The following SLC13A5 variants were observed in gnomAD, a reference collection of about 807,000 sequenced individuals.
The protein encoded by SLC13A5 is solute carrier family 13 member 5, also known as Na(+)/citrate cotransporter.
In SLC13A5, 25 loss-of-function variants were observed where a neutral mutation model predicts 56.5. The observed-to-expected ratio is 0.44, with a 90% CI of 0.32 to 0.62. SLC13A5 has a LOEUF of 0.62. Ranked by LOEUF, SLC13A5 falls within the 20% of genes least tolerant of loss-of-function variation. The pLI is 0.04. For synonymous variants in SLC13A5, 307 were observed against 301.5 expected, an observed-to-expected ratio of 1.02 and a Z score of -0.19; for missense variants, 649 against 737.8, an observed-to-expected ratio of 0.88 and a Z score of 1.39.
Position 6,703,999 on chromosome 17 carries a change from C to T in SLC13A5, c.426G>A (p.Thr142=), listed in dbSNP as rs72836208. ...TGGGCACCATCATGGCCGTGGTTGC[C>T]GTGTTACTGATCCACATGGACAGGA... ...TALLSMWISN[T]ATTAMMVPIV... is the part of the protein sequence containing the mutation. The change falls in exon 4 of 12, where the codon ACG becomes ACA. Residue 142 remains threonine (T), a synonymous_variant. Coordinates refer to ENST00000433363, the MANE Select transcript of SLC13A5 (RefSeq NM_177550.5). 2.8e-3 allele frequency: 4,571 copies of T among 1,613,156 alleles called. 10 individuals are homozygous for T. The highest frequency in any genetic ancestry group is 3.5e-3 in the Non-Finnish European group (4,095 of 1,179,588).
rs925548103 is a variant in SLC13A5, at chr17:6,699,042, CAAAA to C, written c.839+1958_839+1961del. The stretch of plus-strand genomic sequence containing the variant: ...TGGGTGACAGAGCAAGACACTGTCT[CAAAA>C]ATAAATAAATAAATAAATAAATAAA... On this transcript the variant is annotated intron_variant, in intron 6 of 11. Coordinates refer to ENST00000433363, the MANE Select transcript of SLC13A5 (RefSeq NM_177550.5). Among the ~76,000 whole-genome samples, 4 of 100,594 alleles carry C rather than the reference CAAAA, an allele frequency of 4.0e-5. No homozygotes were observed. The Admixed American group carries it at 4.0e-4, about 10-fold the overall frequency. 66.0% of individuals were successfully genotyped at this position (100,594 alleles called of 152,430 possible).
At position 6,686,099 on chromosome 17, in the gene SLC13A5, C is replaced by T. The variant is rs999561410; in HGVS notation, c.*108G>A. The T allele has an allele frequency of 9.3e-6, 14 of 1,510,116 alleles. No individual in the cohort carries two copies. The highest frequency in any genetic ancestry group is 3.7e-5 in the South Asian group (3 of 81,080). 93.5% of individuals were successfully genotyped at this position (1,510,116 alleles called of 1,614,324 possible). On this transcript the variant is annotated 3_prime_UTR_variant, in exon 12 of 12. Transcript: ENST00000433363. ...CTGGGTTTTGGTGGTGTGTGGACAT[C>T]GTTGGGTCATTTTGGGGTGTGAACC...
In SLC13A5 at chr17:6,713,295, G is replaced by C. The variant is rs2151505818; in HGVS notation, c.39C>G (p.Ser13=). Reference sequence around the variant, plus strand: ...GCGGGGTGACGAACAAGATCACGAAGGACTTGAACTTGGAGACATAGCTCA... The same window carrying C: ...GCGGGGTGACGAACAAGATCACGAACGACTTGAACTTGGAGACATAGCTCA... ...SALSYVSKFK[S]FVILFVTPLL... Residue 13 remains serine, a synonymous_variant, in exon 1 of 12, where the codon TCC becomes TCG. Transcript: ENST00000433363. This position sits in a 1 kb window ranked among gnomAD's most constrained non-coding sequence, Gnocchi z 7.3. 15 of 1,614,044 alleles carry C rather than the reference G, an allele frequency of 9.3e-6. No individual in the cohort carries two copies. Among genetic ancestry groups the C allele is most frequent in the Non-Finnish European group, 1.3e-5 (15 of 1,179,948 alleles).
At chr17:6,700,924 C>A in intron 6 of SLC13A5, 80 bp downstream of exon 6, 6 of 1,589,388 alleles carry the variant, frequency 3.8e-6, no homozygotes, top group Non-Finnish European at 4.3e-6. Flanking sequence ...CTTTGTAAAC[C>A]TGCCTATTGA....
chr17:6,708,092 C>A (rs1973919659), intron 1 of SLC13A5, among the ~76,000 whole-genome samples: 1 of 152,206 alleles, frequency 6.6e-6, no homozygotes, highest in Non-Finnish European at 1.5e-5. Flanking sequence ...CCTGCCTCAA[C>A]CTCCGGAGTT....
rs1597683132 is a variant in SLC13A5, at chr17:6,711,086, T to C, written c.102+2146A>G. On this transcript the variant is annotated intron_variant, in intron 1 of 11. Coordinates refer to ENST00000433363, the MANE Select transcript of SLC13A5 (RefSeq NM_177550.5). This position sits in a 1 kb window ranked among gnomAD's most constrained non-coding sequence, Gnocchi z 4.0. ...GTCGGTGAGGAGAGAGGCCTGGGTGTTGGCAGAGGGTGGCGTGCCCTGGGA... is the reference window on the plus strand; with the variant it reads ...GTCGGTGAGGAGAGAGGCCTGGGTGCTGGCAGAGGGTGGCGTGCCCTGGGA... 6.6e-6 allele frequency among the ~76,000 whole-genome samples: 1 copy of C among 151,782 alleles called. No homozygotes were observed. Among genetic ancestry groups the C allele is most frequent in the Non-Finnish European group, 1.5e-5 (1 of 67,950 alleles).
intron 11 of SLC13A5, 178 bp from the exon 12 acceptor site, chr17:6,686,516 C>T: frequency 1.5e-6 from 1 of 675,500 alleles, no homozygotes; most frequent in South Asian, 1.9e-5. Flanking sequence ...CCTCAGTGCT[C>T]AAGGCATCCC....
intron 3 of SLC13A5, 146 bp downstream of exon 3, chr17:6,706,496 G>A (rs1485732336): frequency 5.1e-6 from 6 of 1,175,932 alleles, no homozygotes; most frequent in Middle Eastern, 2.9e-4. Context: ...TCCCACTAAA[G>A]CTATAACGCA....
chr17:6,689,655 C>G (rs1973342695), intron 10 of SLC13A5: 1 of 152,180 alleles, frequency 6.6e-6, no homozygotes, highest in South Asian at 2.1e-4. Context: ...GAAGAGGAGA[C>G]AGGCCACTTT....
Position 6,713,220 on chromosome 17 carries a change from G to T in SLC13A5, c.102+12C>A, listed in dbSNP as rs757734278. On this transcript the variant is annotated intron_variant, in intron 1 of 11. Transcript: ENST00000433363. This position sits in a 1 kb window ranked among gnomAD's most constrained non-coding sequence, Gnocchi z 7.3. The stretch of plus-strand genomic sequence containing the variant: ...CCGGGTGTCCGAAGGGCTGCCTGGA[G>T]ATGCAACTGACCTTGGCGGGCATCA... 1 of 1,613,162 alleles carries T rather than the reference G, an allele frequency of 6.2e-7. No homozygotes were observed. The highest frequency in any genetic ancestry group is 1.7e-5 in the Admixed American group (1 of 60,014).
chr17:6,690,929 C>G lies in SLC13A5; in HGVS notation c.1287G>C (p.Leu429=). ...ALAKGSEASG[L]SVWMGKQMEP... ...CCATCTGCTTCCCCATCCACACGGA[C>G]AGCCCCGAGGCCTGGGAAGCACCAG... Residue 429 remains leucine, a synonymous_variant, in exon 10 of 12, where the codon CTG becomes CTC. Coordinates refer to ENST00000433363, the MANE Select transcript of SLC13A5 (RefSeq NM_177550.5). 6.2e-7 allele frequency: 1 copy of G among 1,609,256 alleles called. No homozygotes were observed. The highest frequency in any genetic ancestry group is 1.3e-5 in the African/African-American group (1 of 75,024).
intron 10 of SLC13A5, chr17:6,688,015 AGAGGCCAGGGAC>A: frequency 5.7e-6 from 1 of 176,386 alleles, no homozygotes; most frequent in Non-Finnish European, 1.2e-5. Context: ...GAGAGAGCCT[AGAGGCCAGGGAC>A]CACATCTTCT....
At position 6,689,298 on chromosome 17, in the gene SLC13A5, T is replaced by A. The variant is rs548948102; in HGVS notation, c.1437+1481A>T. ...CGCGTCTCCCCGACCATCCTCGTTT[T>A]CCTGGCTGTGGGTACCTCATGGTGT... On this transcript the variant is annotated intron_variant, in intron 10 of 11. Transcript: ENST00000433363. The A allele has an allele frequency of 6.6e-5, 10 of 152,418 alleles. No individual in the cohort carries two copies. The East Asian group carries it at 1.9e-3, about 29-fold the overall frequency. The allele number at this position is 152,418 out of a possible 1,614,324, so 9.4% of individuals were successfully genotyped here.
At position 6,695,956 on chromosome 17, in the gene SLC13A5, G is replaced by T. The variant is rs758417416; in HGVS notation, c.840-15C>A. 6.2e-7 allele frequency: 1 copy of T among 1,612,632 alleles called. No homozygotes were observed. The highest frequency in any genetic ancestry group is 1.1e-5 in the South Asian group (1 of 91,012). ...ACTTTTTAAAACTGGAGAATGCAAAGATGAGAGAAGGGCAGGGCAGACTGG... is the reference window on the plus strand; with the variant it reads ...ACTTTTTAAAACTGGAGAATGCAAATATGAGAGAAGGGCAGGGCAGACTGG... On this transcript the variant is annotated splice_polypyrimidine_tract_variant and intron_variant, in intron 6 of 11. Coordinates refer to ENST00000433363, the MANE Select transcript of SLC13A5 (RefSeq NM_177550.5).
At chr17:6,696,784 T>C (rs757830434) in intron 6 of SLC13A5, among the ~76,000 whole-genome samples, 31 of 152,008 alleles carry the variant, frequency 2.0e-4, no homozygotes, top group South Asian at 1.5e-3. Flanking sequence ...AGGCCAAGAG[T>C]ATTGTCCTGG....
At chr17:6,710,526 C>G (rs1191016905) in intron 1 of SLC13A5, among the ~76,000 whole-genome samples, 1 of 152,026 alleles carries the variant, frequency 6.6e-6, no homozygotes, top group African/African-American at 2.4e-5. Flanking sequence ...TCAAGCAGAC[C>G]CACTAGGAAA....
intron 10 of SLC13A5, chr17:6,690,061 C>CAAAAAAAAAAAAAAAAAAAAAA (rs71157211): frequency 3.0e-5 from 1 of 33,422 alleles, no homozygotes; most frequent in Non-Finnish European, 6.2e-5. Context: ...GAAGGAAATG[C>CAAAAAAAAAAAAAAAAAAAAAA]AAAAAAAAAA....
Position 6,709,984 on chromosome 17 carries a change from T to A in SLC13A5, c.103-2828A>T, listed in dbSNP as rs568726196. Among the ~76,000 whole-genome samples, 6 of 152,338 alleles carry A rather than the reference T, an allele frequency of 3.9e-5. No homozygotes were observed. The South Asian group carries it at 1.2e-3, about 32-fold the overall frequency. Reference sequence around the variant, plus strand: ...AAAATGTCTCTGTACTTTGCCAAAGTTCCCCTGTTGTGGGGCAGGGTGAGG... The same window carrying A: ...AAAATGTCTCTGTACTTTGCCAAAGATCCCCTGTTGTGGGGCAGGGTGAGG... On this transcript the variant is annotated intron_variant, in intron 1 of 11. Transcript: ENST00000433363.
At position 6,711,917 on chromosome 17, in the gene SLC13A5, G is replaced by A. The variant is rs1974050795; in HGVS notation, c.102+1315C>T. On this transcript the variant is annotated intron_variant, in intron 1 of 11. Transcript: ENST00000433363. This position sits in a 1 kb window ranked among gnomAD's most constrained non-coding sequence, Gnocchi z 4.0. ...CCACAGTTGGTGTGGCAACTGCACA[G>A]CCTCCACAGTTGGATCTGCTGTCCT... Among the ~76,000 whole-genome samples the A allele has an allele frequency of 1.3e-5, 2 of 152,164 alleles. No homozygotes were observed. Among genetic ancestry groups the A allele is most frequent in the South Asian group, 4.1e-4 (2 of 4,832 alleles).
Sources: gnomAD v4.1 joint callset for allele counts (sites outside exome capture counted in the v4.1 genomes callset) on GRCh38, gnomAD v4.1.1 for gene constraint, Gnocchi (gnomAD v3.1) non-coding constraint, MANE v1.5 for transcripts, NCBI Gene and HGNC (gene_info 2026-07-23, HGNC 2026-07-21) for gene names.